Variants in UST observed in about 807,000 individuals in gnomAD.
The protein encoded by UST is chondroitin sulfate 2-O-sulfotransferase.
A neutral mutation model predicts 45.6 loss-of-function variants in UST; 21 were observed. The observed-to-expected ratio is 0.46, with a 90% CI of 0.33 to 0.66. The LOEUF is 0.66. UST is among the 30% of genes least tolerant of loss of function. The pLI is 0.02. For synonymous variants in UST, 215 were observed against 200.6 expected (o/e 1.07, Z -0.61); for missense variants, 463 against 512.4 (o/e 0.90, Z 0.93).
intron 1 of UST, among the ~76,000 whole-genome samples, chr6:148,764,743 T>C (rs912466174): frequency 3.3e-5 from 5 of 152,060 alleles, no homozygotes; most frequent in African/African-American, 7.2e-5. Context: ...ATCACATGCT[T>C]CAAGGGCAAC....
chr6:149,025,415 A>AT (rs997540790), intron 7 of UST, among the ~76,000 whole-genome samples: 6 of 152,322 alleles, frequency 3.9e-5, no homozygotes, highest in African/African-American at 1.4e-4. Context: ...TGAAATAAAA[A>AT]TTAGAGTTTT....
intron 2 of UST, among the ~76,000 whole-genome samples, chr6:148,902,328 G>A (rs1779276176): frequency 6.6e-6 from 1 of 151,866 alleles, no homozygotes; most frequent in South Asian, 2.1e-4. Flanking sequence ...CTGGGCTCAA[G>A]TGATCTTCCC....
At chr6:148,822,460 G>A (rs1057165775) in intron 1 of UST, among the ~76,000 whole-genome samples, 12 of 152,130 alleles carry the variant, frequency 7.9e-5, no homozygotes, top group Admixed American at 4.6e-4. Flanking sequence ...CCAAAAAGAC[G>A]TGATAATTCT....
rs372785635 is a variant in UST at position 149,074,010 on chromosome 6, C to G, written c.1115C>G (p.Pro372Arg). The change falls in exon 8 of 8, where the codon CCC becomes CGC. Residue 372 changes from proline (P) to arginine (R), a missense_variant. Transcript: ENST00000367463. ...FGLKSHVSKP[P>R]LRPHFFIPTP... ...CTTAAGTCTCACGTCAGCAAGCCCC[C>G]CCTGAGGCCACACTTCTTTATCCCA... is the stretch of plus-strand genomic sequence containing the variant. The G allele has an allele frequency of 3.1e-6, 5 of 1,614,184 alleles. No homozygotes were observed. The highest frequency in any genetic ancestry group is 1.6e-4 in the Middle Eastern group (1 of 6,062).
intron 5 of UST, among the ~76,000 whole-genome samples, chr6:148,996,664 T>C (rs2114998656): frequency 6.6e-6 from 1 of 152,330 alleles, no homozygotes; most frequent in East Asian, 1.9e-4. Flanking sequence ...TTAACTTGAG[T>C]GTATATTTGC....
chr6:149,000,607 G>A (rs1781529796), intron 5 of UST, among the ~76,000 whole-genome samples: 1 of 152,146 alleles, frequency 6.6e-6, no homozygotes, highest in Admixed American at 6.6e-5. Flanking sequence ...GCAAAATCTA[G>A]TACTGGAATA....
chr6:148,946,069 C>A (rs1002285614), intron 3 of UST, among the ~76,000 whole-genome samples: 1 of 152,132 alleles, frequency 6.6e-6, no homozygotes, highest in Admixed American at 6.5e-5. Context: ...TTGCTCTTGC[C>A]CCCTGCAAGT....
intron 1 of UST, among the ~76,000 whole-genome samples, chr6:148,841,581 G>GTTTTTTTT (rs770638985): frequency 5.4e-5 from 6 of 111,280 alleles, no homozygotes; most frequent in African/African-American, 1.0e-4. Flanking sequence ...GGTCTGTTTT[G>GTTTTTTTT]TTTTTGTTTT....
At chr6:148,780,035 T>C (rs973708724) in intron 1 of UST, among the ~76,000 whole-genome samples, 5 of 151,882 alleles carry the variant, frequency 3.3e-5, no homozygotes, top group African/African-American at 1.2e-4. Flanking sequence ...TGAGGTATTA[T>C]TGTATTTTAT....
intron 2 of UST, among the ~76,000 whole-genome samples, chr6:148,897,622 G>A (rs527775968): frequency 1.1e-4 from 16 of 151,932 alleles, no homozygotes; most frequent in East Asian, 9.7e-4. Flanking sequence ...CTCCCAAGTA[G>A]CTAGGATTAC....
intron 5 of UST, among the ~76,000 whole-genome samples, chr6:148,974,319 T>A (rs375675459): frequency 6.7e-6 from 1 of 149,130 alleles, no homozygotes; most frequent in Non-Finnish European, 1.5e-5. Flanking sequence ...CTTATAATAT[T>A]AAAAAAAAAA....
chr6:148,756,417 G>A (rs548298503), intron 1 of UST, among the ~76,000 whole-genome samples: 17 of 152,226 alleles, frequency 1.1e-4, no homozygotes, highest in Admixed American at 8.5e-4. Context: ...GCATGAGAAC[G>A]GACTAATACA....
chr6:148,926,852 G>A (rs1396433990), intron 2 of UST, among the ~76,000 whole-genome samples: 1 of 152,184 alleles, frequency 6.6e-6, no homozygotes, highest in Non-Finnish European at 1.5e-5. Flanking sequence ...TTTAGGAAGA[G>A]AGGAAAGTAG....
chr6:148,845,741 C>T (rs1777973564), intron 1 of UST, among the ~76,000 whole-genome samples: 1 of 152,212 alleles, frequency 6.6e-6, no homozygotes, highest in Non-Finnish European at 1.5e-5. Flanking sequence ...CTCCCACTAA[C>T]AATGTGTGAG....
chr6:149,005,776 C>G (rs1332097394), intron 5 of UST, among the ~76,000 whole-genome samples: 1 of 152,120 alleles, frequency 6.6e-6, no homozygotes, highest in African/African-American at 2.4e-5. Context: ...AGCTGAGAGC[C>G]ATGTTTGATG....
intron 1 of UST, among the ~76,000 whole-genome samples, chr6:148,823,447 T>C (rs1178383229): frequency 6.6e-6 from 1 of 152,238 alleles, no homozygotes; most frequent in East Asian, 1.9e-4. Context: ...CAGAGAACAG[T>C]TGCCCTCCTG....
intron 1 of UST, among the ~76,000 whole-genome samples, chr6:148,749,716 A>T (rs940688737): frequency 6.6e-6 from 1 of 152,206 alleles, no homozygotes; most frequent in Non-Finnish European, 1.5e-5. Flanking sequence ...ATATTTCCAA[A>T]CAATGAGGCC....
chr6:148,916,365 C>T (rs1172615337), intron 2 of UST, among the ~76,000 whole-genome samples: 8 of 152,154 alleles, frequency 5.3e-5, no homozygotes, highest in African/African-American at 1.4e-4. Flanking sequence ...CATATCCTCC[C>T]GTGAGTATAT....
intron 1 of UST, among the ~76,000 whole-genome samples, chr6:148,771,156 A>G (rs1375965722): frequency 1.3e-5 from 2 of 152,202 alleles, no homozygotes; most frequent in Admixed American, 6.5e-5. Context: ...ACATATCTTA[A>G]TTTATGTTTC....
Sources: gnomAD v4.1 joint callset for allele counts (sites outside exome capture counted in the v4.1 genomes callset) on GRCh38, gnomAD v4.1.1 for gene constraint, MANE v1.5 for transcripts, NCBI Gene and HGNC (gene_info 2026-07-23, HGNC 2026-07-21) for gene names.